PCDHA4: variants seen among roughly 807,000 people sequenced by gnomAD.
PCDHA4 encodes the protein protocadherin alpha 4, also known as protocadherin alpha-4.
A neutral mutation model predicts 61.4 loss-of-function variants in PCDHA4; 49 were observed. The observed-to-expected ratio is 0.80, with a 90% CI of 0.63 to 1.01. The LOEUF is 1.01. Ranked by LOEUF, PCDHA4 falls within the 50% of genes least tolerant of loss-of-function variation. The pLI is 0.00. For synonymous variants in PCDHA4, 590 were observed against 550.3 expected (o/e 1.07, Z -1.01); for missense variants, 1,254 against 1,235.8 (o/e 1.01, Z -0.22).
Position 140,852,971 on chromosome 5 carries a change from C to T in PCDHA4, c.2385+43399C>T, listed in dbSNP as rs563659563. Reference sequence around the variant, plus strand: ...TTGGCTCACTCCAAGCTCCCCCTCCCGTGTTCACGCCATTCTCCTGCCTCA... The same window carrying T: ...TTGGCTCACTCCAAGCTCCCCCTCCTGTGTTCACGCCATTCTCCTGCCTCA... On this transcript the variant is annotated intron_variant, in intron 1 of 3. Coordinates refer to ENST00000530339, the MANE Select transcript of PCDHA4 (RefSeq NM_018907.4). 23 of 376,480 alleles carry T rather than the reference C, an allele frequency of 6.1e-5. 1 individual carries two copies. The highest frequency in any genetic ancestry group is 5.5e-4 in the South Asian group (5 of 9,156). 23.3% of individuals were successfully genotyped at this position (376,480 alleles called of 1,614,324 possible).
Position 140,884,627 on chromosome 5 carries a change from G to C in PCDHA4, c.2385+75055G>C, listed in dbSNP as rs140550923. On this transcript the variant is annotated intron_variant, in intron 1 of 3. Transcript: ENST00000530339. ...TTGTCTGGGTTCTGCAGAGGGAACA[G>C]GCCAGAGGGAGGAGGACTCAGAATG... The C allele has an allele frequency of 4.8e-5, 77 of 1,612,780 alleles. No individual in the cohort carries two copies. In the African/African-American group the frequency reaches 8.8e-4, roughly 18 times the overall value.
intron 1 of PCDHA4, chr5:140,967,339 G>A (rs2153751436): frequency 6.2e-7 from 1 of 1,607,904 alleles, no homozygotes; most frequent in Non-Finnish European, 8.5e-7. Context: ...GCCCCAGCGA[G>A]CACTTCGAGC....
At chr5:140,978,924 GA>G (rs781894146) in intron 1 of PCDHA4, 24 bp from the exon 2 acceptor site, 202 of 1,613,894 alleles carry the variant, frequency 1.3e-4, no homozygotes, top group Middle Eastern at 6.6e-4. Context: ...CATTTTAACA[GA>G]AAACTCTCTT....
At chr5:140,829,705 C>G (rs2150172886) in intron 1 of PCDHA4, 4 of 1,613,374 alleles carry the variant, frequency 2.5e-6, no homozygotes, top group East Asian at 4.5e-5. Context: ...TGAGCGCGCG[C>G]GACGCGGGCG....
At chr5:141,008,431 C>T (rs1192058423) in intron 3 of PCDHA4, among the ~76,000 whole-genome samples, 1 of 152,140 alleles carries the variant, frequency 6.6e-6, no homozygotes, top group Non-Finnish European at 1.5e-5. Flanking sequence ...GATCACTTTG[C>T]CCAGACAGAC....
chr5:140,966,820 G>A, intron 1 of PCDHA4: 1 of 1,557,392 alleles, frequency 6.4e-7, no homozygotes, highest in Non-Finnish European at 8.7e-7. Context: ...GGCTCCGGCG[G>A]CCCATGCCCT....
intron 1 of PCDHA4, among the ~76,000 whole-genome samples, chr5:140,872,884 T>C (rs1057197501): frequency 2.6e-5 from 4 of 152,238 alleles, no homozygotes; most frequent in Non-Finnish European, 4.4e-5. Flanking sequence ...GTTTCATTCA[T>C]CTCACTTTGT....
chr5:140,876,931 A>G lies in PCDHA4; in HGVS notation c.2385+67359A>G, dbSNP rs377563074. The stretch of plus-strand genomic sequence containing the variant: ...GGCATGGGACGCGGACGCGCAGAAG[A>G]ACGCGCTGGTGTCCTACTCGCTGGT... On this transcript the variant is annotated intron_variant, in intron 1 of 3. Coordinates refer to ENST00000530339, the MANE Select transcript of PCDHA4 (RefSeq NM_018907.4). 8 of 1,613,668 alleles carry G rather than the reference A, an allele frequency of 5.0e-6. No individual in the cohort carries two copies. In the African/African-American group the frequency reaches 1.1e-4, roughly 22 times the overall value.
At chr5:140,912,797 G>C (rs2076071117) in intron 1 of PCDHA4, among the ~76,000 whole-genome samples, 1 of 152,128 alleles carries the variant, frequency 6.6e-6, no homozygotes, top group South Asian at 2.1e-4. Flanking sequence ...CAATTTTCTT[G>C]AGGGTTTTTA....
intron 1 of PCDHA4, among the ~76,000 whole-genome samples, chr5:140,832,585 T>C (rs1306103831): frequency 6.6e-6 from 1 of 152,188 alleles, no homozygotes; most frequent in African/African-American, 2.4e-5. Context: ...TCTTAGGAAG[T>C]AGAGAACTAT....
chr5:140,876,690 G>T, intron 1 of PCDHA4: 1 of 1,614,174 alleles, frequency 6.2e-7, no homozygotes, highest in Admixed American at 1.7e-5. Flanking sequence ...ATTACTACTC[G>T]TTGGTGCTGG....
chr5:141,001,269 C>A (rs536985121), intron 3 of PCDHA4, among the ~76,000 whole-genome samples: 2 of 152,152 alleles, frequency 1.3e-5, no homozygotes, highest in East Asian at 3.9e-4. Context: ...CTCTTATGAA[C>A]TTTTTTTACG....
chr5:140,850,744 ACTCG>A lies in PCDHA4; in HGVS notation c.2385+41174_2385+41177del, dbSNP rs2041800778. ...TCTAGCGCGGTGGGGAGTTGGTCGT[ACTCG>A]CAGCAGAGGAGGCAGAGGGTGTGCT... On this transcript the variant is annotated intron_variant, in intron 1 of 3. Coordinates refer to ENST00000530339, the MANE Select transcript of PCDHA4 (RefSeq NM_018907.4). 1.3e-6 allele frequency: 2 copies of A among 1,597,470 alleles called. 1 individual carries two copies. The highest frequency in any genetic ancestry group is 2.7e-5 in the African/African-American group (2 of 74,012).
rs371705947 is a variant in PCDHA4, at chr5:140,967,473, C to T, written c.2386-11476C>T. The T allele has an allele frequency of 6.6e-5, 107 of 1,613,362 alleles. No homozygotes were observed. The highest frequency in any genetic ancestry group is 6.6e-4 in the Middle Eastern group (4 of 6,058). On this transcript the variant is annotated intron_variant, in intron 1 of 3. Coordinates refer to ENST00000530339, the MANE Select transcript of PCDHA4 (RefSeq NM_018907.4). The stretch of plus-strand genomic sequence containing the variant: ...ACAGCCGTGGATGGGGGCATCCCAG[C>T]CCGCTCGGGTACGGCACAGATCTCT...
intron 1 of PCDHA4, chr5:140,821,719 T>C: frequency 6.7e-7 from 1 of 1,495,910 alleles, no homozygotes; most frequent in Non-Finnish European, 9.0e-7. Flanking sequence ...GAATTGAATT[T>C]ACAAAATACA....
intron 1 of PCDHA4, chr5:140,834,608 G>A (rs2150222869): frequency 6.2e-7 from 1 of 1,614,060 alleles, no homozygotes; most frequent in East Asian, 2.2e-5. Context: ...GGGATCTTCT[G>A]GAGGTAAATC....
intron 1 of PCDHA4, chr5:140,821,660 G>A (rs1183568019): frequency 8.4e-7 from 1 of 1,191,180 alleles, no homozygotes; most frequent in Non-Finnish European, 1.2e-6. Context: ...TTTTGGCTGT[G>A]CCAAGAAGCT....
At chr5:140,975,093 T>C (rs578045924) in intron 1 of PCDHA4, among the ~76,000 whole-genome samples, 2 of 152,266 alleles carry the variant, frequency 1.3e-5, no homozygotes, top group South Asian at 2.1e-4. Context: ...ATCCAGTTGT[T>C]TGGGGACTGA....
At chr5:140,812,664 T>G (rs1554126035) in intron 1 of PCDHA4, 2 of 152,192 alleles carry the variant, frequency 1.3e-5, no homozygotes, top group Non-Finnish European at 2.9e-5. Context: ...CTCACTATGA[T>G]GTACAGAGGC....
Sources: gnomAD v4.1 joint callset for allele counts (sites outside exome capture counted in the v4.1 genomes callset) on GRCh38, gnomAD v4.1.1 for gene constraint, MANE v1.5 for transcripts, NCBI Gene and HGNC (gene_info 2026-07-23, HGNC 2026-07-21) for gene names.